Variants in PHF21A observed in about 807,000 individuals in gnomAD.
PHF21A encodes the protein PHD finger protein 21A.
PHF21A carries 11 observed loss-of-function variants against 82.5 expected under a neutral mutation model. That is an observed-to-expected ratio of 0.13 (90% CI 0.08 to 0.22). The LOEUF (loss-of-function observed/expected upper bound fraction) is 0.22. Ranked by LOEUF, PHF21A falls within the 10% of genes least tolerant of loss-of-function variation. The pLI, the probability that PHF21A is intolerant of heterozygous loss-of-function variation, is 1.00. For synonymous variants in PHF21A, 297 were observed against 302.8 expected (o/e 0.98, Z 0.20); for missense variants, 579 against 837.8 (o/e 0.69, Z 3.81).
At chr11:45,946,500 C>T (rs900370191) in intron 14 of PHF21A, among the ~76,000 whole-genome samples, 2 of 152,188 alleles carry the variant, frequency 1.3e-5, no homozygotes, top group African/African-American at 4.8e-5. Flanking sequence ...TCTCCTGCCT[C>T]AGCCTCCCAC....
rs545256236 is a variant in PHF21A, at chr11:46,022,384, G to A, written c.154-42418C>T. The stretch of plus-strand genomic sequence containing the variant: ...GTAGGAGGATCACTTTAGCCCAGGA[G>A]ATTGAGGCTGCAGTGAGCTGTGATC... On this transcript the variant is annotated intron_variant, in intron 6 of 18. Transcript: ENST00000676320. 3.3e-5 allele frequency among the ~76,000 whole-genome samples: 5 copies of A among 152,292 alleles called. No homozygotes were observed. The East Asian group carries it at 7.8e-4, about 24-fold the overall frequency.
At chr11:45,948,256 T>A (rs1249676051) in intron 14 of PHF21A, among the ~76,000 whole-genome samples, 1 of 152,188 alleles carries the variant, frequency 6.6e-6, no homozygotes, top group East Asian at 1.9e-4. Flanking sequence ...CTACTGCTAT[T>A]TTTTCTGCTC....
chr11:46,066,284 C>T (rs957552971), intron 6 of PHF21A, among the ~76,000 whole-genome samples: 1 of 152,032 alleles, frequency 6.6e-6, no homozygotes, highest in African/African-American at 2.4e-5. Context: ...GTATTAGTTA[C>T]CTAGTGGTTT....
At chr11:46,106,821 C>T (rs2097157415) in intron 1 of PHF21A, among the ~76,000 whole-genome samples, 1 of 152,216 alleles carries the variant, frequency 6.6e-6, no homozygotes, top group East Asian at 1.9e-4. Flanking sequence ...CAGCCCTTTC[C>T]CTTTTGGTCA....
intron 1 of PHF21A, among the ~76,000 whole-genome samples, chr11:46,107,652 C>T (rs1024947891): frequency 4.6e-5 from 7 of 151,990 alleles, no homozygotes; most frequent in Admixed American, 1.3e-4. Context: ...ACTTTTATAA[C>T]GAAAACTTTT....
intron 6 of PHF21A, among the ~76,000 whole-genome samples, chr11:46,033,144 A>G (rs1007570689): frequency 2.0e-5 from 3 of 152,194 alleles, no homozygotes; most frequent in African/African-American, 7.2e-5. Flanking sequence ...ATGTTGATAC[A>G]TATACCTGCA....
At chr11:46,042,654 C>T (rs1488256942) in intron 6 of PHF21A, among the ~76,000 whole-genome samples, 4 of 152,052 alleles carry the variant, frequency 2.6e-5, no homozygotes, top group Admixed American at 2.0e-4. Flanking sequence ...ATCTAATCCC[C>T]AGTGCAACTG....
Position 45,949,568 on chromosome 11 carries a change from A to G in PHF21A, c.1148-87T>C, listed in dbSNP as rs909939383. On this transcript the variant is annotated intron_variant, in intron 12 of 18. Coordinates refer to ENST00000676320, the MANE Select transcript of PHF21A (RefSeq NM_001352027.3). ...CATTGTTTTATCTATTGGTTTTCCC[A>G]TAAGAAATCAGAATCAGGGACAAGT... 8.4e-5 allele frequency: 93 copies of G among 1,102,306 alleles called. No homozygotes were observed. In the African/African-American group the frequency reaches 1.3e-3, roughly 15 times the overall value. The allele number at this position is 1,102,306 out of a possible 1,614,324, so 68.3% of individuals were successfully genotyped here.
Position 46,084,231 on chromosome 11 carries a change from T to C in PHF21A, c.-12A>G. 1.3e-6 allele frequency: 2 copies of C among 1,592,146 alleles called. No homozygotes were observed. The highest frequency in any genetic ancestry group is 1.7e-6 in the Non-Finnish European group (2 of 1,172,030). On this transcript the variant is annotated 5_prime_UTR_variant, in exon 4 of 19. Coordinates refer to ENST00000676320, the MANE Select transcript of PHF21A (RefSeq NM_001352027.3). ...GTCTGCAACTCCATCCTCTACCTTCTCCACTTTCTCTGCTAATTCTATAGT... is the reference window on the plus strand; with the variant it reads ...GTCTGCAACTCCATCCTCTACCTTCCCCACTTTCTCTGCTAATTCTATAGT...
At chr11:45,955,195 T>G (rs1019008243) in intron 10 of PHF21A, among the ~76,000 whole-genome samples, 1 of 152,324 alleles carries the variant, frequency 6.6e-6, no homozygotes, top group Middle Eastern at 3.4e-3. Context: ...TGGTACTTCA[T>G]GCAGAGCGGG....
chr11:45,972,479 T>C (rs1405690264), intron 7 of PHF21A, among the ~76,000 whole-genome samples: 7 of 152,198 alleles, frequency 4.6e-5, no homozygotes, highest in Non-Finnish European at 7.3e-5. Flanking sequence ...AAGTTGCTAT[T>C]TAAAAGGAAA....
chr11:45,933,643 C>T lies in PHF21A; in HGVS notation c.*325G>A, dbSNP rs535730557. On this transcript the variant is annotated 3_prime_UTR_variant, in exon 19 of 19. Coordinates refer to ENST00000676320, the MANE Select transcript of PHF21A (RefSeq NM_001352027.3). ...CCCAAGAAAACAGAAACAAACCCAT[C>T]GTGGCTGTGGAGGCTGCTGCAGGCA... The T allele has an allele frequency of 5.6e-5, 12 of 215,746 alleles. No homozygotes were observed. The highest frequency in any genetic ancestry group is 5.5e-4 in the South Asian group (3 of 5,500). The allele number at this position is 215,746 out of a possible 1,614,324, so 13.4% of individuals were successfully genotyped here.
chr11:46,056,743 C>T (rs1306521820), intron 6 of PHF21A, among the ~76,000 whole-genome samples: 2 of 152,092 alleles, frequency 1.3e-5, no homozygotes, highest in Non-Finnish European at 2.9e-5. Context: ...ACATTTGCTG[C>T]TGCTTAAAAG....
chr11:45,965,018 T>TA (rs2135924669), intron 10 of PHF21A, among the ~76,000 whole-genome samples: 1 of 152,294 alleles, frequency 6.6e-6, no homozygotes, highest in Admixed American at 6.5e-5. Context: ...CATCTGTGCT[T>TA]ACTGACGGAG....
chr11:46,034,228 C>A (rs761242486), intron 6 of PHF21A, among the ~76,000 whole-genome samples: 25 of 151,890 alleles, frequency 1.6e-4, no homozygotes, highest in South Asian at 1.0e-3. Flanking sequence ...CCCACCCCCC[C>A]CTTGCATACT....
chr11:45,948,779 A>C (rs1229702566), intron 14 of PHF21A, 107 bp downstream of exon 14: 2 of 794,560 alleles, frequency 2.5e-6, no homozygotes, highest in Non-Finnish European at 4.5e-6. Context: ...CTATTTTCAA[A>C]GGATAGAGGA....
At chr11:45,998,589 C>T (rs540455695) in intron 6 of PHF21A, among the ~76,000 whole-genome samples, 8 of 148,978 alleles carry the variant, frequency 5.4e-5, no homozygotes, top group African/African-American at 1.7e-4. Flanking sequence ...CTTGGCTCGG[C>T]GCAACCTCCA....
chr11:46,103,054 G>GCACCACC (rs1038808673), intron 1 of PHF21A, among the ~76,000 whole-genome samples: 21 of 152,130 alleles, frequency 1.4e-4, no homozygotes, highest in Admixed American at 2.0e-4. Flanking sequence ...CTACACAGGA[G>GCACCACC]CACCACCGGC....
Position 45,935,732 on chromosome 11 carries a change from T to C in PHF21A, c.1692A>G (p.Glu564=), listed in dbSNP as rs1320550000. Residue 564 remains glutamate, a synonymous_variant, in exon 18 of 19, where the codon GAA becomes GAG. Coordinates refer to ENST00000676320, the MANE Select transcript of PHF21A (RefSeq NM_001352027.3). ...HSYIAYKAAK[E]EEKQKLLKWS... ...ATTTAAGTAACTTCTGTTTCTCTTCTTCTTTTGCTAAAAAAAAAAAAAAAA... is the reference window on the plus strand; with the variant it reads ...ATTTAAGTAACTTCTGTTTCTCTTCCTCTTTTGCTAAAAAAAAAAAAAAAA... 3 of 1,096,208 alleles carry C rather than the reference T, an allele frequency of 2.7e-6. No individual in the cohort carries two copies. Among genetic ancestry groups the C allele is most frequent in the South Asian group, 2.7e-5 (2 of 73,072 alleles). The allele number at this position is 1,096,208 out of a possible 1,614,324, so 67.9% of individuals were successfully genotyped here. A position where few individuals can be genotyped will look rare whatever the true frequency, so the allele number is the denominator to read the frequency against.
Sources: allele counts gnomAD v4.1 joint callset (sites outside exome capture counted in the v4.1 genomes callset), GRCh38; gene constraint gnomAD v4.1.1; transcripts MANE v1.5; gene names NCBI Gene and HGNC (gene_info 2026-07-23, HGNC 2026-07-21).